Variants in JARID2 observed in about 807,000 individuals in gnomAD.
JARID2 encodes the protein jumonji and AT-rich interaction domain containing 2.
JARID2 carries 21 observed loss-of-function variants against 125.6 expected under a neutral mutation model. The ratio of observed to expected loss-of-function variants is 0.17; its 90% CI spans 0.12 to 0.24. The LOEUF is 0.24. JARID2 is among the 10% of genes least tolerant of loss of function. JARID2 has a pLI of 1.00. For missense variants in JARID2, 1,303 were observed against 1,639.6 expected (o/e 0.79, Z 3.55); for synonymous variants, 736 against 661.6 (o/e 1.11, Z -1.73).
At chr6:15,501,501 TTC>T (rs1770732917) in intron 8 of JARID2, 92 bp downstream of exon 8, 1 of 1,265,410 alleles carries the variant, frequency 7.9e-7, no homozygotes. Context: ...GGACGGTGTG[TTC>T]TCTGATTCCC....
At chr6:15,456,205 T>C (rs990761895) in intron 4 of JARID2, among the ~76,000 whole-genome samples, 3 of 152,224 alleles carry the variant, frequency 2.0e-5, no homozygotes, top group Non-Finnish European at 4.4e-5. Flanking sequence ...CTGGGAAACC[T>C]GGAGAGTCTT....
In JARID2 at chr6:15,508,986, C is replaced by T. The variant is rs747765686; in HGVS notation, c.2846+532C>T. ...CAGCCTCTCTGTAGAGCCAGTGTTT[C>T]CTCATCTATCGGTGGCTGTGGGGAG... On this transcript the variant is annotated intron_variant, in intron 12 of 17. Coordinates refer to ENST00000341776, the MANE Select transcript of JARID2 (RefSeq NM_004973.4). The T allele has an allele frequency of 7.0e-6, 9 of 1,289,264 alleles. No individual in the cohort carries two copies. The South Asian group carries it at 1.1e-4, about 16-fold the overall frequency. 79.9% of individuals were successfully genotyped at this position (1,289,264 alleles called of 1,614,324 possible).
At chr6:15,358,613 A>G (rs1288741010) in intron 1 of JARID2, among the ~76,000 whole-genome samples, 1 of 152,202 alleles carries the variant, frequency 6.6e-6, no homozygotes, top group Non-Finnish European at 1.5e-5. Flanking sequence ...ACTTGTGTCC[A>G]CTGTAACCTT....
intron 5 of JARID2, among the ~76,000 whole-genome samples, chr6:15,486,958 G>GT (rs901222608): frequency 3.3e-5 from 5 of 152,052 alleles, no homozygotes; most frequent in African/African-American, 1.2e-4. Flanking sequence ...AAGAGGTTAA[G>GT]TGGACTCACA....
chr6:15,282,615 T>C (rs1163357502), intron 1 of JARID2, among the ~76,000 whole-genome samples: 3 of 152,000 alleles, frequency 2.0e-5, no homozygotes, highest in African/African-American at 7.2e-5. Context: ...TCTTCTCTTC[T>C]CTTTTCTTTC....
rs960801004 is a variant in JARID2 at position 15,413,307 on chromosome 6, C to A, written c.323+2942C>A. 3.9e-5 allele frequency among the ~76,000 whole-genome samples: 6 copies of A among 152,078 alleles called. No individual in the cohort carries two copies. In the East Asian group the frequency reaches 1.2e-3, roughly 29 times the overall value. Reference sequence around the variant, plus strand: ...GGATTACAGGTATGAGCCACTGTGCCCGGCAGGGAAGAGCTTTTAAGACTG... The same window carrying A: ...GGATTACAGGTATGAGCCACTGTGCACGGCAGGGAAGAGCTTTTAAGACTG... On this transcript the variant is annotated intron_variant, in intron 3 of 17. Transcript: ENST00000341776.
At chr6:15,434,397 AGAGG>A (rs1245445178) in intron 3 of JARID2, among the ~76,000 whole-genome samples, 1 of 152,170 alleles carries the variant, frequency 6.6e-6, no homozygotes, top group Non-Finnish European at 1.5e-5. Context: ...CCAGTTCCCT[AGAGG>A]AGCTGATGGG....
intron 1 of JARID2, among the ~76,000 whole-genome samples, chr6:15,280,061 C>CGTAT (rs1760691452): frequency 6.6e-6 from 1 of 152,062 alleles, no homozygotes. Flanking sequence ...AACACCTGGT[C>CGTAT]GTATGTATGT....
chr6:15,378,560 T>C (rs1764459325), intron 2 of JARID2, among the ~76,000 whole-genome samples: 1 of 152,156 alleles, frequency 6.6e-6, no homozygotes, highest in Non-Finnish European at 1.5e-5. Context: ...CTGTTAGATG[T>C]GGTAGTGACT....
intron 1 of JARID2, among the ~76,000 whole-genome samples, chr6:15,318,750 C>T (rs1001734896): frequency 6.6e-6 from 1 of 152,146 alleles, no homozygotes; most frequent in African/African-American, 2.4e-5. Context: ...GTGGGAAAGG[C>T]AACAAAAGCC....
rs139950955 is a variant in JARID2, at chr6:15,409,365, C to G, written c.182-859C>G. ...GCTCCTGCCCAGTTCTGGTTGCCTT[C>G]GAGGGTTGTGACTAGATAGTGGACA... On this transcript the variant is annotated intron_variant, in intron 2 of 17. Transcript: ENST00000341776. Among the ~76,000 whole-genome samples, 548 of 152,244 alleles carry G rather than the reference C, an allele frequency of 3.6e-3. 15 individuals carry two copies. The highest frequency in any genetic ancestry group is 0.027 in the Admixed American group (419 of 15,288).
chr6:15,366,518 CG>C (rs1367437795), intron 1 of JARID2, among the ~76,000 whole-genome samples: 63 of 14,426 alleles, frequency 4.4e-3, no homozygotes, highest in Middle Eastern at 0.033. Flanking sequence ...GCGGGGGGGG[CG>C]GGGGGGGTGG....
At chr6:15,504,349 T>G (rs768174336) in intron 8 of JARID2, 151 bp from the exon 9 acceptor site, 40 of 609,728 alleles carry the variant, frequency 6.6e-5, no homozygotes, top group Non-Finnish European at 9.5e-5. Flanking sequence ...AATATATTTC[T>G]TCCTTCTCTG....
intron 2 of JARID2, among the ~76,000 whole-genome samples, chr6:15,379,141 T>C (rs1764484255): frequency 6.6e-6 from 1 of 152,168 alleles, no homozygotes; most frequent in Admixed American, 6.5e-5. Context: ...AGTCTTGTTT[T>C]TGTGGTTTTA....
At chr6:15,328,435 C>G (rs1762602415) in intron 1 of JARID2, among the ~76,000 whole-genome samples, 1 of 152,152 alleles carries the variant, frequency 6.6e-6, no homozygotes, top group African/African-American at 2.4e-5. Flanking sequence ...CTGCCTTATA[C>G]CTGTAGTTAC....
intron 2 of JARID2, among the ~76,000 whole-genome samples, chr6:15,390,760 T>C (rs1002721686): frequency 6.6e-6 from 1 of 152,156 alleles, no homozygotes; most frequent in Non-Finnish European, 1.5e-5. Flanking sequence ...GCTGGGCATC[T>C]ACCCTCCTGC....
At chr6:15,430,665 C>T (rs1450636367) in intron 3 of JARID2, among the ~76,000 whole-genome samples, 1 of 152,134 alleles carries the variant, frequency 6.6e-6, no homozygotes, top group African/African-American at 2.4e-5. Context: ...TATTGATAAT[C>T]TGGTGATGAA....
At chr6:15,260,358 A>G (rs1362953026) in intron 1 of JARID2, among the ~76,000 whole-genome samples, 4 of 152,152 alleles carry the variant, frequency 2.6e-5, no homozygotes, top group Admixed American at 2.6e-4. Flanking sequence ...GTAATCCTCA[A>G]AACTACTGTT....
intron 1 of JARID2, among the ~76,000 whole-genome samples, chr6:15,289,594 C>T (rs909843642): frequency 1.6e-4 from 24 of 151,984 alleles, no homozygotes; most frequent in African/African-American, 5.5e-4. Context: ...CAGTGAGTCA[C>T]ATCTGTAATC....
Sources: allele counts gnomAD v4.1 joint callset (sites outside exome capture counted in the v4.1 genomes callset), GRCh38; gene constraint gnomAD v4.1.1; transcripts MANE v1.5; gene names NCBI Gene and HGNC (gene_info 2026-07-23, HGNC 2026-07-21).